Variants in ATRNL1 observed in about 807,000 individuals in gnomAD.
ATRNL1 encodes attractin-like protein 1.
ATRNL1 carries 95 observed loss-of-function variants against 182.7 expected under a neutral mutation model. That is an observed-to-expected ratio of 0.52 (90% CI 0.44 to 0.62). ATRNL1 has a LOEUF of 0.62. ATRNL1 is among the 20% of genes least tolerant of loss of function. ATRNL1 has a pLI of 0.00. For missense variants in ATRNL1, 1,471 were observed against 1,679.5 expected, an observed-to-expected ratio of 0.88 and a Z score of 2.17; for synonymous variants, 576 against 568.3, an observed-to-expected ratio of 1.01 and a Z score of -0.19.
rs1361761382 is a variant in ATRNL1, at chr10:115,285,430, A to G, written c.2234-786A>G. On this transcript the variant is annotated intron_variant, in intron 14 of 28. Coordinates refer to ENST00000355044, the MANE Select transcript of ATRNL1 (RefSeq NM_207303.4). ...AGGGCTAGAGGCGCTAATACATTTC[A>G]TATGATATAGAAACTAAAATGTAAT... Among the ~76,000 whole-genome samples, 3 of 152,102 alleles carry G rather than the reference A, an allele frequency of 2.0e-5. 1 individual carries two copies. The highest frequency in any genetic ancestry group is 4.4e-5 in the Non-Finnish European group (3 of 67,980).
intron 19 of ATRNL1, among the ~76,000 whole-genome samples, chr10:115,386,770 C>T (rs1430443573): frequency 2.0e-5 from 3 of 149,348 alleles, no homozygotes; most frequent in Non-Finnish European, 4.4e-5. Context: ...CCCATTAACT[C>T]GTCATTTAGC....
intron 28 of ATRNL1, among the ~76,000 whole-genome samples, chr10:115,914,114 C>A (rs1168352189): frequency 6.6e-6 from 1 of 152,162 alleles, no homozygotes. Context: ...GTTTTCCCTG[C>A]TTCACTTGGC....
chr10:115,395,533 A>G (rs1306687996), intron 20 of ATRNL1, among the ~76,000 whole-genome samples: 1 of 151,796 alleles, frequency 6.6e-6, no homozygotes, highest in Non-Finnish European at 1.5e-5. Context: ...CTTTCATATT[A>G]TACCTAATAT....
At chr10:115,857,661 A>G (rs544634288) in intron 28 of ATRNL1, among the ~76,000 whole-genome samples, 2 of 152,224 alleles carry the variant, frequency 1.3e-5, no homozygotes, top group African/African-American at 4.8e-5. Flanking sequence ...CTTTTGTGAG[A>G]AATTGATTAA....
At chr10:115,285,841 G>T (rs1488554137) in intron 14 of ATRNL1, among the ~76,000 whole-genome samples, 1 of 151,950 alleles carries the variant, frequency 6.6e-6, no homozygotes, top group African/African-American at 2.4e-5. Context: ...TCTGTTATAA[G>T]CTTGTTGTTT....
chr10:115,445,138 G>A (rs1846896718), intron 21 of ATRNL1, among the ~76,000 whole-genome samples: 1 of 151,182 alleles, frequency 6.6e-6, no homozygotes, highest in Non-Finnish European at 1.5e-5. Flanking sequence ...CTGCTTAAGA[G>A]CACTTGGCTG....
intron 26 of ATRNL1, among the ~76,000 whole-genome samples, chr10:115,561,490 A>G (rs56045037): frequency 0.018 from 2,808 of 152,326 alleles, 82 homozygotes; most frequent in African/African-American, 0.064. Context: ...AACTATTTAC[A>G]TAACATTTGC....
intron 8 of ATRNL1, among the ~76,000 whole-genome samples, chr10:115,179,641 A>AG (rs1381842878): frequency 5.4e-4 from 82 of 152,188 alleles, no homozygotes; most frequent in African/African-American, 1.9e-3. Flanking sequence ...TTCAAATATA[A>AG]CTTTTGACCA....
At chr10:115,638,220 CACTT>C (rs1859014005) in intron 26 of ATRNL1, among the ~76,000 whole-genome samples, 1 of 152,184 alleles carries the variant, frequency 6.6e-6, no homozygotes, top group Admixed American at 6.5e-5. Context: ...GATATATAGA[CACTT>C]ACCGTAGTAT....
At chr10:115,679,045 G>A (rs1158385643) in intron 26 of ATRNL1, among the ~76,000 whole-genome samples, 1 of 152,112 alleles carries the variant, frequency 6.6e-6, no homozygotes, top group Non-Finnish European at 1.5e-5. Flanking sequence ...AATCCACTGT[G>A]CAGTAGTTGT....
chr10:115,173,889 G>A (rs1847388855), intron 8 of ATRNL1, among the ~76,000 whole-genome samples: 1 of 149,232 alleles, frequency 6.7e-6, no homozygotes, highest in South Asian at 2.1e-4. Flanking sequence ...GTTGAATTTT[G>A]CTTTGTGATT....
At chr10:115,408,128 C>T (rs895275010) in intron 20 of ATRNL1, among the ~76,000 whole-genome samples, 1 of 151,012 alleles carries the variant, frequency 6.6e-6, no homozygotes. Flanking sequence ...CTCAGCCTCC[C>T]GAGTAGCCGG....
At chr10:115,760,545 C>T (rs1948708960) in intron 27 of ATRNL1, among the ~76,000 whole-genome samples, 2 of 151,764 alleles carry the variant, frequency 1.3e-5, no homozygotes, top group African/African-American at 4.8e-5. Flanking sequence ...ATCCTATTAC[C>T]CTGATTGAAA....
intron 26 of ATRNL1, among the ~76,000 whole-genome samples, chr10:115,602,602 G>T (rs1427107570): frequency 7.9e-5 from 12 of 152,090 alleles, no homozygotes; most frequent in Admixed American, 1.3e-4. Context: ...AGTGGCTCAT[G>T]CCTGTAATCC....
intron 9 of ATRNL1, 65 bp downstream of exon 9, chr10:115,215,945 T>A: frequency 7.9e-7 from 1 of 1,272,778 alleles, no homozygotes; most frequent in Non-Finnish European, 1.1e-6. Flanking sequence ...GACTTTAAAA[T>A]GGTTTCTGAC....
chr10:115,450,538 A>G (rs1177409319), intron 21 of ATRNL1, among the ~76,000 whole-genome samples: 1 of 152,194 alleles, frequency 6.6e-6, no homozygotes, highest in Non-Finnish European at 1.5e-5. Context: ...CACAATTGCT[A>G]CAAAAAGAAT....
intron 25 of ATRNL1, among the ~76,000 whole-genome samples, chr10:115,537,836 C>G (rs761691006): frequency 6.6e-6 from 1 of 152,126 alleles, no homozygotes; most frequent in Non-Finnish European, 1.5e-5. Flanking sequence ...GGATACAGAA[C>G]AATGCCAAAG....
intron 26 of ATRNL1, among the ~76,000 whole-genome samples, chr10:115,555,124 A>T (rs914953299): frequency 1.3e-5 from 2 of 151,728 alleles, no homozygotes; most frequent in Non-Finnish European, 3.0e-5. Flanking sequence ...TGGCAACCCT[A>T]TTTTCAACAC....
intron 26 of ATRNL1, among the ~76,000 whole-genome samples, chr10:115,583,649 G>C (rs1855285039): frequency 6.9e-6 from 1 of 144,262 alleles, no homozygotes; most frequent in South Asian, 2.4e-4. Flanking sequence ...GGAGATTTTG[G>C]GCTGAGACAA....
Sources: allele counts gnomAD v4.1 joint callset (sites outside exome capture counted in the v4.1 genomes callset), GRCh38; gene constraint gnomAD v4.1.1; transcripts MANE v1.5; gene names NCBI Gene and HGNC (gene_info 2026-07-23, HGNC 2026-07-21).